Variants in LIG1 observed in about 807,000 individuals in gnomAD.
The protein encoded by LIG1 is DNA ligase 1, also known as ligase I, DNA, ATP-dependent.
LIG1 carries 70 observed loss-of-function variants against 115.7 expected under a neutral mutation model. The ratio of observed to expected loss-of-function variants is 0.60; its 90% CI spans 0.50 to 0.74. The LOEUF (loss-of-function observed/expected upper bound fraction) is 0.74. Ranked by LOEUF, LIG1 falls within the 30% of genes least tolerant of loss-of-function variation. The probability of loss-of-function intolerance (pLI) is 0.00; values close to 1 mark genes in which losing one functional copy is unlikely to be tolerated. For missense variants in LIG1, 1,115 were observed against 1,225.6 expected, an observed-to-expected ratio of 0.91 and a Z score of 1.35; for synonymous variants, 487 against 495.3, an observed-to-expected ratio of 0.98 and a Z score of 0.22.
intron 1 of LIG1, 85 bp downstream of exon 1, chr19:48,170,156 C>G: frequency 2.2e-6 from 1 of 453,550 alleles, no homozygotes; most frequent in African/African-American, 2.0e-5. Flanking sequence ...CTGCAGACAC[C>G]CCGACATGGC....
chr19:48,156,371 TAC>T (rs2122947023), intron 5 of LIG1, among the ~76,000 whole-genome samples: 1 of 152,310 alleles, frequency 6.6e-6, no homozygotes, highest in South Asian at 2.1e-4. Context: ...AGCGCATAAC[TAC>T]AGTCACAATG....
intron 9 of LIG1, among the ~76,000 whole-genome samples, chr19:48,144,858 A>C (rs1332828414): frequency 6.6e-6 from 1 of 152,054 alleles, no homozygotes; most frequent in African/African-American, 2.4e-5. Flanking sequence ...GCACAGAGTG[A>C]TTAACTCACC....
intron 2 of LIG1, 136 bp from the exon 3 acceptor site, chr19:48,162,487 G>C (rs2036240044): frequency 3.3e-6 from 2 of 614,844 alleles, no homozygotes; most frequent in Non-Finnish European, 5.6e-6. Flanking sequence ...AGGCTGGAGT[G>C]CAATGGCGCA....
At position 48,133,095 on chromosome 19, in the gene LIG1, T is replaced by A; in HGVS notation, c.1612A>T (p.Ile538Phe). 1 of 1,604,438 alleles carries A rather than the reference T, an allele frequency of 6.2e-7. No individual in the cohort carries two copies. ...TGGGCCAACATTGGTTTCAGGGGAA[T>A]CCCTGGGAAAGGAGGAGAGTGAGTT... ...LPEHCKLSPGIPLKPMLAHPT... is the reference protein window; with the variant it reads ...LPEHCKLSPGFPLKPMLAHPT... The change falls in exon 18 of 28, where the codon ATT becomes TTT. Residue 538 changes from isoleucine (I) to phenylalanine (F), a missense_variant and splice_region_variant. Physicochemically the swap from Ile to Phe is conservative, Grantham distance 21. Transcript: ENST00000263274.
chr19:48,163,290 C>T (rs2036292047), intron 2 of LIG1, among the ~76,000 whole-genome samples: 1 of 151,862 alleles, frequency 6.6e-6, no homozygotes. Flanking sequence ...GGTGCAATCT[C>T]GGCTCACTGC....
intron 6 of LIG1, among the ~76,000 whole-genome samples, chr19:48,152,778 A>G (rs2035558546): frequency 6.6e-6 from 1 of 152,254 alleles, no homozygotes; most frequent in Admixed American, 6.5e-5. Flanking sequence ...TGCTATAAAA[A>G]TCAAGTACTG....
chr19:48,161,794 T>C lies in LIG1; in HGVS notation c.108-287A>G, dbSNP rs116448486. Among the ~76,000 whole-genome samples, 573 of 151,016 alleles carry C rather than the reference T, an allele frequency of 3.8e-3. 2 individuals carry two copies. The highest frequency in any genetic ancestry group is 0.013 in the African/African-American group (552 of 41,184). ...GAGCAAATGGAGTCCCTGCCTAAGG[T>C]TGCCATTGGTCTCCAGCATCTATTG... On this transcript the variant is annotated intron_variant, in intron 3 of 27. Transcript: ENST00000263274.
At chr19:48,146,038 C>A (rs1206251229) in intron 9 of LIG1, 1 of 152,282 alleles carries the variant, frequency 6.6e-6, no homozygotes, top group Non-Finnish European at 1.5e-5. Flanking sequence ...TCAGGGAAAG[C>A]CCGTTGCTGA....
chr19:48,158,195 A>G (rs1364716085), intron 4 of LIG1, among the ~76,000 whole-genome samples: 1 of 152,184 alleles, frequency 6.6e-6, no homozygotes, highest in African/African-American at 2.4e-5. Context: ...TTATAAATTA[A>G]CTGGTCTGAA....
intron 1 of LIG1, among the ~76,000 whole-genome samples, chr19:48,168,929 G>A (rs770839091): frequency 7.2e-5 from 11 of 152,104 alleles, no homozygotes; most frequent in Non-Finnish European, 1.3e-4. Context: ...CACTTTAAAT[G>A]GGCAAACTGT....
chr19:48,120,795 AG>A, intron 24 of LIG1: 1 of 479,566 alleles, frequency 2.1e-6, no homozygotes, highest in Non-Finnish European at 3.0e-6. Flanking sequence ...GGCACATGGC[AG>A]AAAAAAAAAA....
intron 23 of LIG1, among the ~76,000 whole-genome samples, 163 bp from the exon 24 acceptor site, chr19:48,121,485 G>A (rs182573301): frequency 6.6e-6 from 1 of 152,282 alleles, no homozygotes; most frequent in Non-Finnish European, 1.5e-5. Context: ...GACTGGACAT[G>A]GGAAGGGTTT....
chr19:48,164,032 TA>T (rs1236157684), intron 2 of LIG1, among the ~76,000 whole-genome samples: 1 of 151,328 alleles, frequency 6.6e-6, no homozygotes, highest in Non-Finnish European at 1.5e-5. Flanking sequence ...GGAGTTCAGT[TA>T]AGAGTAATGT....
chr19:48,128,608 C>T (rs2033824107), intron 19 of LIG1, among the ~76,000 whole-genome samples: 1 of 152,214 alleles, frequency 6.6e-6, no homozygotes, highest in Admixed American at 6.5e-5. Context: ...ACTACTGGGC[C>T]TTTGCATGTG....
At chr19:48,153,542 T>C (rs1211187757) in intron 6 of LIG1, among the ~76,000 whole-genome samples, 1 of 151,946 alleles carries the variant, frequency 6.6e-6, no homozygotes, top group East Asian at 1.9e-4. Flanking sequence ...AGTTCCCATA[T>C]TGGTAGGTGG....
intron 11 of LIG1, among the ~76,000 whole-genome samples, chr19:48,141,269 AC>A (rs2034730133): frequency 6.6e-6 from 1 of 152,180 alleles, no homozygotes; most frequent in Non-Finnish European, 1.5e-5. Context: ...AGCCGGGACT[AC>A]CGGTGCGCAC....
chr19:48,141,271 C>T (rs972404393), intron 11 of LIG1, among the ~76,000 whole-genome samples: 3 of 152,216 alleles, frequency 2.0e-5, no homozygotes, highest in Non-Finnish European at 2.9e-5. Context: ...CCGGGACTAC[C>T]GGTGCGCACC....
intron 11 of LIG1, among the ~76,000 whole-genome samples, chr19:48,140,653 A>G (rs1276017908): frequency 6.6e-6 from 1 of 152,170 alleles, no homozygotes. Flanking sequence ...TGTAAAACCT[A>G]AGATGAGTGC....
In LIG1 at chr19:48,137,148, C is replaced by G. The variant is rs1303591141; in HGVS notation, c.1255-64G>C. ...GGCAGGGACCACACCTCCACCCCACCAGCCGTGCTGCTGCCCTGCATTTTG... is the reference window on the plus strand; with the variant it reads ...GGCAGGGACCACACCTCCACCCCACGAGCCGTGCTGCTGCCCTGCATTTTG... On this transcript the variant is annotated intron_variant, in intron 13 of 27. Transcript: ENST00000263274. This position sits in a 1 kb window ranked among gnomAD's most constrained non-coding sequence, Gnocchi z 4.3. The G allele has an allele frequency of 7.5e-7, 1 of 1,332,666 alleles. No homozygotes were observed. Among genetic ancestry groups the G allele is most frequent in the African/African-American group, 1.4e-5 (1 of 69,650 alleles). The allele number at this position is 1,332,666 out of a possible 1,614,324, so 82.6% of individuals were successfully genotyped here. A position where few individuals can be genotyped will look rare whatever the true frequency, so the allele number is the denominator to read the frequency against.
Sources: allele counts gnomAD v4.1 joint callset (sites outside exome capture counted in the v4.1 genomes callset), GRCh38; gene constraint gnomAD v4.1.1; non-coding constraint Gnocchi (gnomAD v3.1); transcripts MANE v1.5; gene names NCBI Gene and HGNC (gene_info 2026-07-23, HGNC 2026-07-21).